ERCC3: variants seen among roughly 807,000 people sequenced by gnomAD.
ERCC3 encodes the protein ERCC excision repair 3, TFIIH core complex helicase subunit.
Under a neutral mutation model 94.2 loss-of-function variants are expected in ERCC3, and 66 were observed. The observed-to-expected ratio is 0.70, with a 90% CI of 0.57 to 0.86. The LOEUF (loss-of-function observed/expected upper bound fraction) is 0.86, where lower values mean the gene tolerates loss of function less well. Among genes scored for constraint, ERCC3 ranks in the 40% least tolerant of loss-of-function variants. The pLI is 0.00. For synonymous variants in ERCC3, 349 were observed against 369.1 expected (o/e 0.95, Z 0.63); for missense variants, 829 against 987.1 (o/e 0.84, Z 2.15).
intron 12 of ERCC3, among the ~76,000 whole-genome samples, chr2:127,270,706 C>T (rs1239856755): frequency 1.3e-5 from 2 of 152,206 alleles, no homozygotes; most frequent in Non-Finnish European, 2.9e-5. Context: ...ACACGGCCAT[C>T]TCTTAGCAAG....
rs141991368 is a variant in ERCC3, at chr2:127,258,827, G to A, written c.2217+469C>T. 2.3e-3 allele frequency among the ~76,000 whole-genome samples: 353 copies of A among 152,222 alleles called. 1 individual carries two copies. The highest frequency in any genetic ancestry group is 7.7e-3 in the African/African-American group (320 of 41,536). ...TCTACATTTTTCAAAGTTAAGTATC[G>A]AAGCTACCACAAGAGTTGATCCTCA... is the stretch of plus-strand genomic sequence containing the variant. On this transcript the variant is annotated intron_variant, in intron 14 of 14. Transcript: ENST00000285398. The surrounding 1 kb of genome is among the most constrained non-coding windows in gnomAD (Gnocchi z 4.1).
rs373118547 is a variant in ERCC3 at position 127,294,117 on chromosome 2, C to A, written c.-36G>T. 2 of 1,600,952 alleles carry A rather than the reference C, an allele frequency of 1.2e-6. No homozygotes were observed. The highest frequency in any genetic ancestry group is 1.7e-6 in the Non-Finnish European group (2 of 1,177,758). On this transcript the variant is annotated 5_prime_UTR_variant, in exon 1 of 15. Coordinates refer to ENST00000285398, the MANE Select transcript of ERCC3 (RefSeq NM_000122.2). ...GCAGCAGAGAGAAGATGACCCCGCT[C>A]CCACAGGCCCGCCGCGGCATCCGCT...
In ERCC3 at chr2:127,259,525, C is replaced by A. The variant is rs1345452858; in HGVS notation, c.2065-77G>T. 1.9e-6 allele frequency: 3 copies of A among 1,595,624 alleles called. No individual in the cohort carries two copies. Among genetic ancestry groups the A allele is most frequent in the Non-Finnish European group, 2.6e-6 (3 of 1,169,154 alleles). ...CCTCCTCTGCCTTCTCCTGGGTCCA[C>A]CTGCTTTGGTCACTTCCCTCCCCAG... On this transcript the variant is annotated intron_variant, in intron 13 of 14. Transcript: ENST00000285398. This position sits in a 1 kb window ranked among gnomAD's most constrained non-coding sequence, Gnocchi z 4.9.
At chr2:127,273,531 C>T (rs1684632784) in intron 10 of ERCC3, among the ~76,000 whole-genome samples, 1 of 151,750 alleles carries the variant, frequency 6.6e-6, no homozygotes, top group African/African-American at 2.4e-5. Flanking sequence ...GGGTGGATCA[C>T]CTGAGGTTGG....
rs145830873 is a variant in ERCC3 at position 127,289,728 on chromosome 2, G to A, written c.618C>T (p.Ala206=). 7.4e-4 allele frequency: 1,188 copies of A among 1,614,112 alleles called. 7 individuals are homozygous for A. The Middle Eastern group carries it at 9.4e-3, about 13-fold the overall frequency. The change falls in exon 5 of 15, where the codon GCC becomes GCT. Residue 206 remains alanine (A), a synonymous_variant. Coordinates refer to ENST00000285398, the MANE Select transcript of ERCC3 (RefSeq NM_000122.2). ...ECRLRNSEGE[A]TELITETFTS... is the part of the protein sequence containing the mutation. Reference sequence around the variant, plus strand: ...TGAAAGTCTCTGTGATGAGCTCAGTGGCCTCCCCTTCAGAGTTTCTTAAGC... The same window carrying A: ...TGAAAGTCTCTGTGATGAGCTCAGTAGCCTCCCCTTCAGAGTTTCTTAAGC...
rs138897577 is a variant in ERCC3, at chr2:127,288,660, C to T, written c.1027G>A (p.Gly343Ser). 8.1e-6 allele frequency: 13 copies of T among 1,613,604 alleles called. No homozygotes were observed. Among genetic ancestry groups the T allele is most frequent in the African/African-American group, 2.7e-5 (2 of 74,910 alleles). Reference sequence around the variant, plus strand: ...CCTTCTTAACTCTGGTACCACTTACCGCAGGGAAGAACAATGACCCCCGAA... The same window carrying T: ...CCTTCTTAACTCTGGTACCACTTACTGCAGGGAAGAACAATGACCCCCGAA... ...ARSGVIVLPCGAGKSLVGVTA... is the reference protein window; with the variant it reads ...ARSGVIVLPCSAGKSLVGVTA... Residue 343 changes from glycine (G) to serine (S), a missense_variant and splice_region_variant, in exon 7 of 15, where the codon GGT becomes AGT. Coordinates refer to ENST00000285398, the MANE Select transcript of ERCC3 (RefSeq NM_000122.2).
chr2:127,272,122 T>G (rs1417891548), intron 11 of ERCC3, among the ~76,000 whole-genome samples: 1 of 144,890 alleles, frequency 6.9e-6, no homozygotes, highest in African/African-American at 2.6e-5. Flanking sequence ...CGGGTTCAAG[T>G]GACTGAACCC....
chr2:127,266,923 C>T (rs968085190), intron 12 of ERCC3, among the ~76,000 whole-genome samples: 1 of 152,018 alleles, frequency 6.6e-6, no homozygotes, highest in Non-Finnish European at 1.5e-5. Flanking sequence ...ACCGTGTTGC[C>T]CAGGCTGGTT....
At chr2:127,261,809 A>G in intron 12 of ERCC3, 1 of 208,476 alleles carries the variant, frequency 4.8e-6, no homozygotes, top group Non-Finnish European at 9.7e-6. Flanking sequence ...GATGGCTACA[A>G]TCAAAAAAGC....
Position 127,257,374 on chromosome 2 carries a change from C to A in ERCC3, c.*222G>T, listed in dbSNP as rs55967313. ...TAACATTTTTTATATACAGAAATGACCCCACTCCCCAAAAAGTTTGAAAAA... is the reference window on the plus strand; with the variant it reads ...TAACATTTTTTATATACAGAAATGAACCCACTCCCCAAAAAGTTTGAAAAA... On this transcript the variant is annotated 3_prime_UTR_variant, in exon 15 of 15. Transcript: ENST00000285398. This position sits in a 1 kb window ranked among gnomAD's most constrained non-coding sequence, Gnocchi z 5.4. 1.2e-4 allele frequency: 71 copies of A among 606,514 alleles called. No individual in the cohort carries two copies. The African/African-American group carries it at 1.2e-3, about 10-fold the overall frequency. The allele number at this position is 606,514 out of a possible 1,614,324, so 37.6% of individuals were successfully genotyped here.
Position 127,272,954 on chromosome 2 carries a change from T to C in ERCC3, c.1738A>G (p.Ile580Val). Reference protein sequence around the residue: ...EYAIRLNKPYIYGPTSQGERM... With the variant: ...EYAIRLNKPYVYGPTSQGERM... ...TCCCCCTGAGACGTAGGTCCGTAGA[T>C]ATAGGGTCTAGAGAAGAATGAAGCT... The change falls in exon 11 of 15, where the codon ATC (isoleucine) becomes GTC (valine). Residue 580 changes from isoleucine (I) to valine (V), a missense_variant. Ile to Val is a conservative substitution (Grantham distance 29). Coordinates refer to ENST00000285398, the MANE Select transcript of ERCC3 (RefSeq NM_000122.2). 1 of 1,602,568 alleles carries C rather than the reference T, an allele frequency of 6.2e-7. No homozygotes were observed. The highest frequency in any genetic ancestry group is 8.6e-7 in the Non-Finnish European group (1 of 1,169,552).
chr2:127,261,188 C>T (rs200383234), intron 13 of ERCC3, 40 bp downstream of exon 13: 1 of 1,184,416 alleles, frequency 8.4e-7, no homozygotes, highest in Non-Finnish European at 1.3e-6. Context: ...ATCAAGAAGG[C>T]CTTGGTCCTA....
Position 127,291,373 on chromosome 2 carries a change from C to T in ERCC3, c.472-1100G>A, listed in dbSNP as rs944602145. On this transcript the variant is annotated intron_variant, in intron 3 of 14. Coordinates refer to ENST00000285398, the MANE Select transcript of ERCC3 (RefSeq NM_000122.2). This position sits in a 1 kb window ranked among gnomAD's most constrained non-coding sequence, Gnocchi z 4.9. Reference sequence around the variant, plus strand: ...CGCCCGGGTTCAAGTGATTGTCCTGCCTCAGCCTCCTGAGTAGCTGGGATT... The same window carrying T: ...CGCCCGGGTTCAAGTGATTGTCCTGTCTCAGCCTCCTGAGTAGCTGGGATT... Among the ~76,000 whole-genome samples, 3 of 152,142 alleles carry T rather than the reference C, an allele frequency of 2.0e-5. No homozygotes were observed. The highest frequency in any genetic ancestry group is 4.4e-5 in the Non-Finnish European group (3 of 68,028).
In ERCC3 at chr2:127,291,154, A is replaced by C. The variant is rs1270988895; in HGVS notation, c.472-881T>G. 1.3e-5 allele frequency among the ~76,000 whole-genome samples: 2 copies of C among 152,144 alleles called. No individual in the cohort carries two copies. Among genetic ancestry groups the C allele is most frequent in the East Asian group, 3.8e-4 (2 of 5,200 alleles). On this transcript the variant is annotated intron_variant, in intron 3 of 14. Transcript: ENST00000285398. The surrounding 1 kb of genome is among the most constrained non-coding windows in gnomAD (Gnocchi z 4.9). The stretch of plus-strand genomic sequence containing the variant: ...CTATCCCCGCTGTTGTCCCTGATCC[A>C]CCACTACAGTGCACCAACACCTACA...
rs1047752579 is a variant in ERCC3 at position 127,284,684 on chromosome 2, T to C, written c.1342+2019A>G. 8.7e-5 allele frequency among the ~76,000 whole-genome samples: 13 copies of C among 148,820 alleles called. No homozygotes were observed. Among genetic ancestry groups the C allele is most frequent in the Non-Finnish European group, 1.8e-4 (12 of 67,718 alleles). On this transcript the variant is annotated intron_variant, in intron 8 of 14. Coordinates refer to ENST00000285398, the MANE Select transcript of ERCC3 (RefSeq NM_000122.2). This position sits in a 1 kb window ranked among gnomAD's most constrained non-coding sequence, Gnocchi z 4.1. ...CTTAATTTACCCTAATCTGTTCATC[T>C]TTATTTTTTTTTTTTGAGACAGAGT...
intron 3 of ERCC3, 194 bp from the exon 4 acceptor site, chr2:127,290,467 A>C (rs1441784626): frequency 4.6e-6 from 3 of 651,822 alleles, no homozygotes; most frequent in East Asian, 2.8e-5. Flanking sequence ...TGAGAACAAA[A>C]TCTTCCTCTT....
intron 8 of ERCC3, among the ~76,000 whole-genome samples, chr2:127,285,347 G>GTC (rs1685031402): frequency 6.6e-6 from 1 of 152,190 alleles, no homozygotes; most frequent in Admixed American, 6.5e-5. Flanking sequence ...ATCACTTAAA[G>GTC]TCTGGACTTC....
At chr2:127,287,375 G>A (rs1328558583) in intron 7 of ERCC3, among the ~76,000 whole-genome samples, 2 of 152,120 alleles carry the variant, frequency 1.3e-5, no homozygotes, top group Non-Finnish European at 2.9e-5. Context: ...GCTCATACCT[G>A]TAATCCCAGC....
At position 127,286,057 on chromosome 2, in the gene ERCC3, G is replaced by A. The variant is rs1014338995; in HGVS notation, c.1342+646C>T. On this transcript the variant is annotated intron_variant, in intron 8 of 14. Transcript: ENST00000285398. Reference sequence around the variant, plus strand: ...CATATTGACTAAGGATCAATATTCCGGGCTTCAAATAAAACACATCACCAC... The same window carrying A: ...CATATTGACTAAGGATCAATATTCCAGGCTTCAAATAAAACACATCACCAC... 8.5e-5 allele frequency among the ~76,000 whole-genome samples: 13 copies of A among 152,078 alleles called. No individual in the cohort carries two copies. In the East Asian group the frequency reaches 1.7e-3, roughly 20 times the overall value.
Sources: gnomAD v4.1 joint callset for allele counts (sites outside exome capture counted in the v4.1 genomes callset) on GRCh38, gnomAD v4.1.1 for gene constraint, Gnocchi (gnomAD v3.1) non-coding constraint, MANE v1.5 for transcripts, NCBI Gene and HGNC (gene_info 2026-07-23, HGNC 2026-07-21) for gene names.